The following PCDHAC2 variants were observed in gnomAD, a reference collection of about 807,000 sequenced individuals.
PCDHAC2 encodes the protein protocadherin alpha-C2.
In PCDHAC2, 24 loss-of-function variants were observed where a neutral mutation model predicts 63.3. The ratio of observed to expected loss-of-function variants is 0.38; its 90% CI spans 0.27 to 0.53. The LOEUF is 0.53. PCDHAC2 is among the 20% of genes least tolerant of loss of function. PCDHAC2 has a pLI of 0.81. For synonymous variants in PCDHAC2, 569 were observed against 529.4 expected (o/e 1.07, Z -1.03); for missense variants, 1,181 against 1,275.2 (o/e 0.93, Z 1.12).
chr5:140,975,527 A>G (rs782267941), intron 1 of PCDHAC2, among the ~76,000 whole-genome samples: 2 of 152,220 alleles, frequency 1.3e-5, no homozygotes, highest in Non-Finnish European at 2.9e-5. Context: ...CAGTGGATAT[A>G]TTCTTAATAC....
intron 3 of PCDHAC2, among the ~76,000 whole-genome samples, chr5:140,998,223 G>A (rs1554256200): frequency 6.6e-6 from 1 of 152,140 alleles, no homozygotes; most frequent in Non-Finnish European, 1.5e-5. Context: ...ACCACACCCA[G>A]AAATTTGTGC....
rs782432205 is a variant in PCDHAC2 at position 140,968,761 on chromosome 5, T to C, written c.1995T>C (p.Asn665=). ...TFNLTVVVRD[N]GEPSLSASVA... ...ACCTGACCGTGGTGGTCCGAGATAA[T>C]GGAGAGCCATCACTATCAGCCTCTG... is the stretch of plus-strand genomic sequence containing the variant. Residue 665 remains asparagine (N), a synonymous_variant, in exon 1 of 4, where the codon AAT becomes AAC. Transcript: ENST00000289269. 1 of 1,614,140 alleles carries C rather than the reference T, an allele frequency of 6.2e-7. No homozygotes were observed. The highest frequency in any genetic ancestry group is 1.1e-5 in the South Asian group (1 of 91,080).
chr5:141,008,953 A>G (rs1554261966), intron 3 of PCDHAC2, among the ~76,000 whole-genome samples: 1 of 152,240 alleles, frequency 6.6e-6, no homozygotes, highest in African/African-American at 2.4e-5. Context: ...CAAAATAGAC[A>G]TCCTAATACA....
chr5:140,978,758 C>A (rs925464508), intron 1 of PCDHAC2, among the ~76,000 whole-genome samples, 191 bp from the exon 2 acceptor site: 6 of 152,148 alleles, frequency 3.9e-5, no homozygotes, highest in African/African-American at 1.4e-4. Context: ...TGTGTGAGGA[C>A]CCTGATGAAC....
Position 140,969,292 on chromosome 5 carries a change from C to G in PCDHAC2, c.2526C>G (p.Asn842Lys). 2 of 1,614,208 alleles carry G rather than the reference C, an allele frequency of 1.2e-6. No individual in the cohort carries two copies. Among genetic ancestry groups the G allele is most frequent in the Non-Finnish European group, 1.7e-6 (2 of 1,180,044 alleles). ...LTGQSGQNAG[N>K]LIILKNEAVS... ...GCCAAAGTGGTCAGAATGCTGGGAA[C>G]CTGATTATTCTCAAAAATGAGGCTG... Residue 842 changes from asparagine (N) to lysine (K), a missense_variant, in exon 1 of 4, where the codon AAC (asparagine) becomes AAG (lysine). Physicochemically the swap from Asn to Lys is moderately conservative, Grantham distance 94. Transcript: ENST00000289269.
chr5:140,969,704 T>G (rs1317094729), intron 1 of PCDHAC2, among the ~76,000 whole-genome samples: 10 of 152,172 alleles, frequency 6.6e-5, no homozygotes, highest in African/African-American at 2.4e-4. Flanking sequence ...TGCTGTATCA[T>G]CTACAGGGAA....
At chr5:140,975,154 G>C (rs73268051) in intron 1 of PCDHAC2, among the ~76,000 whole-genome samples, 1,571 of 152,266 alleles carry the variant, frequency 0.01, 23 homozygotes, top group African/African-American at 0.036. Flanking sequence ...TCAGTTCCTA[G>C]AGAACTGAGG....
chr5:140,966,758 C>T lies in PCDHAC2; in HGVS notation c.-9C>T. On this transcript the variant is annotated 5_prime_UTR_variant, in exon 1 of 4. Transcript: ENST00000289269. ...CCCTGCCCGGCTGCCTCCGCCGCGGCCAGTGGCTATGGAGCAGGCGGGCAC... is the reference window on the plus strand; with the variant it reads ...CCCTGCCCGGCTGCCTCCGCCGCGGTCAGTGGCTATGGAGCAGGCGGGCAC... 6.9e-7 allele frequency: 1 copy of T among 1,445,334 alleles called. No homozygotes were observed. Among genetic ancestry groups the T allele is most frequent in the South Asian group, 1.5e-5 (1 of 68,812 alleles). 89.5% of individuals were successfully genotyped at this position (1,445,334 alleles called of 1,614,324 possible).
Position 141,009,737 on chromosome 5 carries a change from C to T in PCDHAC2, c.2824C>T (p.Pro942Ser). The T allele has an allele frequency of 6.2e-7, 1 of 1,614,130 alleles. No homozygotes were observed. The highest frequency in any genetic ancestry group is 8.5e-7 in the Non-Finnish European group (1 of 1,180,024). Residue 942 changes from proline (P) to serine (S), a missense_variant, in exon 4 of 4, where the codon CCC becomes TCC. Physicochemically the swap from Pro to Ser is moderately conservative, Grantham distance 74 (BLOSUM62 -1). Coordinates refer to ENST00000289269, the MANE Select transcript of PCDHAC2 (RefSeq NM_018899.6). ...NPKQSGPGEL[P>S]DKFIIPGSPA... Reference sequence around the variant, plus strand: ...CAAACAATCCGGTCCCGGTGAGTTGCCCGACAAATTCATTATCCCAGGATC... The same window carrying T: ...CAAACAATCCGGTCCCGGTGAGTTGTCCGACAAATTCATTATCCCAGGATC...
At chr5:140,990,097 T>C (rs2097373826) in intron 3 of PCDHAC2, among the ~76,000 whole-genome samples, 1 of 151,922 alleles carries the variant, frequency 6.6e-6, no homozygotes, top group African/African-American at 2.4e-5. Flanking sequence ...GTGCTACTAT[T>C]GAAACAGGAA....
chr5:140,968,285 T>A lies in PCDHAC2; in HGVS notation c.1519T>A (p.Ser507Thr). 1 of 1,614,006 alleles carries A rather than the reference T, an allele frequency of 6.2e-7. No homozygotes were observed. The highest frequency in any genetic ancestry group is 8.5e-7 in the Non-Finnish European group (1 of 1,179,940). ...AAAGGAGAATGCAGAGGTGACCTAC[T>A]CCCTTCTGGAGAGGGAGATTCAAGG... ...DEKENAEVTY[S>T]LLEREIQGLP... The change falls in exon 1 of 4, where the codon TCC becomes ACC. Residue 507 changes from serine (S) to threonine (T), a missense_variant. Around this residue, in one of 3 missense-constraint regions of PCDHAC2, gnomAD observed 968 missense variants for 1,073.5 expected, o/e 0.90. Coordinates refer to ENST00000289269, the MANE Select transcript of PCDHAC2 (RefSeq NM_018899.6).
In PCDHAC2 at chr5:141,006,221, T is replaced by C. The variant is rs559314025; in HGVS notation, c.2714-3406T>C. Among the ~76,000 whole-genome samples, 485 of 152,162 alleles carry C rather than the reference T, an allele frequency of 3.2e-3. 7 individuals carry two copies. The highest frequency in any genetic ancestry group is 0.01 in the Middle Eastern group (3 of 294). On this transcript the variant is annotated intron_variant, in intron 3 of 3. Transcript: ENST00000289269. Reference sequence around the variant, plus strand: ...GTTATGCCTCATTTTTTTTTAAATTTTTTATTTTTAGATGGAGTCTTGCTC... The same window carrying C: ...GTTATGCCTCATTTTTTTTTAAATTCTTTATTTTTAGATGGAGTCTTGCTC...
intron 1 of PCDHAC2, 83 bp downstream of exon 1, chr5:140,969,414 G>C: frequency 6.4e-7 from 1 of 1,566,012 alleles, no homozygotes; most frequent in Non-Finnish European, 8.7e-7. Context: ...GCTTTATTGA[G>C]TCATTAACAG....
At chr5:141,000,030 C>T (rs1261016075) in intron 3 of PCDHAC2, among the ~76,000 whole-genome samples, 3 of 152,058 alleles carry the variant, frequency 2.0e-5, no homozygotes, top group African/African-American at 7.2e-5. Flanking sequence ...GCCTGACATC[C>T]AATCACACAC....
In PCDHAC2 at chr5:140,966,674, G is replaced by A; in HGVS notation, c.-93G>A. 7.7e-7 allele frequency: 1 copy of A among 1,295,168 alleles called. No individual in the cohort carries two copies. The highest frequency in any genetic ancestry group is 1.0e-6 in the Non-Finnish European group (1 of 1,001,608). The allele number at this position is 1,295,168 out of a possible 1,614,324, so 80.2% of individuals were successfully genotyped here. On this transcript the variant is annotated 5_prime_UTR_variant, in exon 1 of 4. Coordinates refer to ENST00000289269, the MANE Select transcript of PCDHAC2 (RefSeq NM_018899.6). ...AGCGGTGGGGGAGCAGGCGCAGGGT[G>A]GCACGAGCGGAGGCGGGGCCCGGGC...
chr5:140,966,638 T>A lies in PCDHAC2; in HGVS notation c.-129T>A. 2 of 1,090,114 alleles carry A rather than the reference T, an allele frequency of 1.8e-6. No individual in the cohort carries two copies. The highest frequency in any genetic ancestry group is 2.2e-5 in the South Asian group (1 of 45,566). The allele number at this position is 1,090,114 out of a possible 1,614,324, so 67.5% of individuals were successfully genotyped here. A position where few individuals can be genotyped will look rare whatever the true frequency, so the allele number is the denominator to read the frequency against. ...ACGGAGGGAGCGGCCCCAGGCGCTT[T>A]CTAGAGCGTGAGCGGTGGGGGAGCA... On this transcript the variant is annotated 5_prime_UTR_variant, in exon 1 of 4. Transcript: ENST00000289269.
Position 140,968,184 on chromosome 5 carries a change from C to T in PCDHAC2, c.1418C>T (p.Ser473Phe). 6.2e-7 allele frequency: 1 copy of T among 1,614,050 alleles called. No homozygotes were observed. Among genetic ancestry groups the T allele is most frequent in the Non-Finnish European group, 8.5e-7 (1 of 1,180,040 alleles). ...NDNPPSFLED[S>F]YSIYIQENNL... ...AATCCACCAAGCTTCCTGGAGGACT[C>T]CTATTCCATCTACATACAGGAGAAC... Residue 473 changes from serine (S) to phenylalanine (F), a missense_variant, in exon 1 of 4, where the codon TCC becomes TTC. This residue lies in a region of PCDHAC2 where 968 missense variants were observed against 1,073.5 expected (regional missense o/e 0.90). Coordinates refer to ENST00000289269, the MANE Select transcript of PCDHAC2 (RefSeq NM_018899.6).
chr5:140,981,502 A>G (rs2096935392), intron 2 of PCDHAC2, among the ~76,000 whole-genome samples: 2 of 152,218 alleles, frequency 1.3e-5, no homozygotes, highest in Non-Finnish European at 2.9e-5. Flanking sequence ...TGAACCTGGG[A>G]GGCAGAGGTT....
At chr5:141,008,425 A>G (rs1195605563) in intron 3 of PCDHAC2, among the ~76,000 whole-genome samples, 2 of 152,172 alleles carry the variant, frequency 1.3e-5, no homozygotes, top group East Asian at 1.9e-4. Context: ...CACTGGGATC[A>G]CTTTGCCCAG....
Sources: allele counts gnomAD v4.1 joint callset (sites outside exome capture counted in the v4.1 genomes callset), GRCh38; gene constraint gnomAD v4.1.1; regional missense constraint gnomAD v4.1.1; transcripts MANE v1.5; gene names NCBI Gene and HGNC (gene_info 2026-07-23, HGNC 2026-07-21).